The following SPTLC3 variants were observed in gnomAD, a reference collection of about 807,000 sequenced individuals.
SPTLC3 encodes the protein serine palmitoyltransferase long chain base subunit 3.
Under a neutral mutation model 59.3 loss-of-function variants are expected in SPTLC3, and 36 were observed. The observed-to-expected ratio is 0.61, with a 90% CI of 0.47 to 0.80. SPTLC3 has a LOEUF of 0.80. SPTLC3 is among the 30% of genes least tolerant of loss of function. The pLI, the probability that SPTLC3 is intolerant of heterozygous loss-of-function variation, is 0.00. For synonymous variants in SPTLC3, 257 were observed against 240.8 expected, an observed-to-expected ratio of 1.07 and a Z score of -0.62; for missense variants, 625 against 685.1, an observed-to-expected ratio of 0.91 and a Z score of 0.98.
intron 1 of SPTLC3, among the ~76,000 whole-genome samples, chr20:13,013,837 G>T (rs2122359039): frequency 6.6e-6 from 1 of 152,300 alleles, no homozygotes; most frequent in East Asian, 1.9e-4. Context: ...CTATTGGATT[G>T]TTCATGATTC....
intron 1 of SPTLC3, among the ~76,000 whole-genome samples, chr20:13,029,891 G>A (rs1244391180): frequency 6.6e-6 from 1 of 152,132 alleles, no homozygotes; most frequent in South Asian, 2.1e-4. Context: ...TCCTTGGCAA[G>A]TTTCTCTCTT....
chr20:13,070,989 C>T (rs1177040085), intron 2 of SPTLC3, among the ~76,000 whole-genome samples: 1 of 152,196 alleles, frequency 6.6e-6, no homozygotes, highest in Non-Finnish European at 1.5e-5. Flanking sequence ...GACTCTCCCA[C>T]ATAAAGCTTC....
intron 1 of SPTLC3, among the ~76,000 whole-genome samples, chr20:13,030,881 G>A (rs926164030): frequency 2.6e-5 from 4 of 152,004 alleles, no homozygotes; most frequent in African/African-American, 9.7e-5. Context: ...CTCTTTTTCT[G>A]AACTAGGTCA....
chr20:13,080,716 G>A (rs1314437373), intron 4 of SPTLC3, among the ~76,000 whole-genome samples: 2 of 152,114 alleles, frequency 1.3e-5, no homozygotes, highest in African/African-American at 4.8e-5. Context: ...GAGAAAATTA[G>A]AGAGCAATTT....
chr20:13,022,661 C>T (rs921729851), intron 1 of SPTLC3, among the ~76,000 whole-genome samples: 4 of 152,118 alleles, frequency 2.6e-5, no homozygotes, highest in African/African-American at 9.7e-5. Context: ...ATAAACAAGC[C>T]CACCAGGTTC....
At chr20:13,043,611 C>T (rs962795243) in intron 1 of SPTLC3, among the ~76,000 whole-genome samples, 6 of 152,220 alleles carry the variant, frequency 3.9e-5, no homozygotes, top group African/African-American at 1.4e-4. Context: ...GCTCTTCATC[C>T]TGTCTCCCTC....
At chr20:13,125,478 G>A (rs1410993619) in intron 8 of SPTLC3, among the ~76,000 whole-genome samples, 3 of 152,150 alleles carry the variant, frequency 2.0e-5, no homozygotes, top group Non-Finnish European at 4.4e-5. Context: ...TTTTTGCTGT[G>A]TAACAAACCA....
rs1363757668 is a variant in SPTLC3, at chr20:13,164,799, T to C, written c.1591T>C (p.Tyr531His). ...AATGGGTGATCTCTTGCAACTGAAA[T>C]ATTCCCGGCACAAGAAGTCAGCACG... ...DEMGDLLQLK[Y>H]SRHKKSARPE... The change falls in exon 12 of 12, where the codon TAT (tyrosine) becomes CAT (histidine). Residue 531 changes from tyrosine (Y) to histidine (H), a missense_variant. Physicochemically the swap from Tyr to His is moderately conservative, Grantham distance 83. Coordinates refer to ENST00000399002, the MANE Select transcript of SPTLC3 (RefSeq NM_018327.4). 2 of 1,613,832 alleles carry C rather than the reference T, an allele frequency of 1.2e-6. No homozygotes were observed. The highest frequency in any genetic ancestry group is 1.1e-5 in the South Asian group (1 of 91,056).
At chr20:13,010,743 A>G (rs1330577621) in intron 1 of SPTLC3, among the ~76,000 whole-genome samples, 1 of 152,202 alleles carries the variant, frequency 6.6e-6, no homozygotes, top group African/African-American at 2.4e-5. Flanking sequence ...CTCACAAGCT[A>G]TTCATCTACT....
At chr20:13,042,636 C>A (rs1222028276) in intron 1 of SPTLC3, among the ~76,000 whole-genome samples, 2 of 152,118 alleles carry the variant, frequency 1.3e-5, no homozygotes, top group Non-Finnish European at 2.9e-5. Context: ...GGTAGCTTGC[C>A]CCTCTCAAAG....
At chr20:13,010,337 A>G (rs535138902) in intron 1 of SPTLC3, among the ~76,000 whole-genome samples, 260 of 152,300 alleles carry the variant, frequency 1.7e-3, no homozygotes, top group Non-Finnish European at 2.8e-3. Context: ...TCCAGAGAGC[A>G]AGTATCCACC....
intron 2 of SPTLC3, chr20:13,050,831 T>C (rs1987455163): frequency 6.6e-6 from 1 of 152,098 alleles, no homozygotes; most frequent in Non-Finnish European, 1.5e-5. Context: ...AAACTAAGCA[T>C]CATATTTGAA....
intron 1 of SPTLC3, among the ~76,000 whole-genome samples, chr20:13,045,143 A>T (rs995162698): frequency 2.0e-5 from 3 of 152,166 alleles, no homozygotes; most frequent in Non-Finnish European, 2.9e-5. Context: ...ATTGAACAGA[A>T]GAGTAATTGT....
At chr20:13,129,862 T>C (rs2038082874) in intron 9 of SPTLC3, among the ~76,000 whole-genome samples, 1 of 152,208 alleles carries the variant, frequency 6.6e-6, no homozygotes, top group Non-Finnish European at 1.5e-5. Context: ...CTTAGCCTTA[T>C]ACCTAAAGAA....
intron 1 of SPTLC3, among the ~76,000 whole-genome samples, chr20:13,047,860 A>G (rs755117890): frequency 6.6e-6 from 1 of 152,164 alleles, no homozygotes; most frequent in Non-Finnish European, 1.5e-5. Flanking sequence ...CGTTTCTCAA[A>G]GTTGCTTTAT....
intron 1 of SPTLC3, among the ~76,000 whole-genome samples, chr20:13,031,979 C>T (rs745324948): frequency 8.5e-5 from 13 of 152,234 alleles, no homozygotes; most frequent in Middle Eastern, 3.4e-3. Context: ...ATTCTAATTC[C>T]ATTGCAGTGA....
intron 9 of SPTLC3, among the ~76,000 whole-genome samples, chr20:13,134,446 GTCA>G (rs1347560455): frequency 1.3e-5 from 2 of 152,184 alleles, no homozygotes; most frequent in African/African-American, 2.4e-5. Context: ...CATGTCCCCA[GTCA>G]TCATTTCATA....
At chr20:13,017,303 C>T (rs1332653188) in intron 1 of SPTLC3, among the ~76,000 whole-genome samples, 3 of 152,134 alleles carry the variant, frequency 2.0e-5, no homozygotes, top group Non-Finnish European at 4.4e-5. Flanking sequence ...AACCTGTCAC[C>T]TCCATGCCTC....
intron 4 of SPTLC3, among the ~76,000 whole-genome samples, chr20:13,083,940 T>C (rs1481430820): frequency 6.6e-6 from 1 of 152,168 alleles, no homozygotes; most frequent in Non-Finnish European, 1.5e-5. Flanking sequence ...GAGTCTATGT[T>C]GAGGATAGAA....
Sources: gnomAD v4.1 joint callset for allele counts (sites outside exome capture counted in the v4.1 genomes callset) on GRCh38, gnomAD v4.1.1 for gene constraint, MANE v1.5 for transcripts, NCBI Gene and HGNC (gene_info 2026-07-23, HGNC 2026-07-21) for gene names.